Variants in EPHA4 observed in about 807,000 individuals in gnomAD.
The protein encoded by EPHA4 is EPH receptor A4.
EPHA4 carries 19 observed loss-of-function variants against 108.3 expected under a neutral mutation model. That is an observed-to-expected ratio of 0.18 (90% CI 0.12 to 0.26). EPHA4 has a LOEUF of 0.26. Among genes scored for constraint, EPHA4 ranks in the 10% least tolerant of loss-of-function variants. EPHA4 has a pLI of 1.00. For missense variants in EPHA4, 917 were observed against 1,254.0 expected (o/e 0.73, Z 4.06); for synonymous variants, 449 against 455.5 (o/e 0.99, Z 0.18).
At chr2:221,535,382 G>T (rs1693638291) in intron 3 of EPHA4, among the ~76,000 whole-genome samples, 2 of 152,146 alleles carry the variant, frequency 1.3e-5, no homozygotes, top group Non-Finnish European at 2.9e-5. Context: ...AGACAGAAAA[G>T]CTCAGAAAGC....
intron 3 of EPHA4, among the ~76,000 whole-genome samples, chr2:221,506,507 A>C (rs1420890726): frequency 6.6e-6 from 1 of 152,218 alleles, no homozygotes; most frequent in Non-Finnish European, 1.5e-5. Flanking sequence ...TTTCTAACAC[A>C]GACAATATGG....
chr2:221,420,853 C>T (rs1559231893), intron 17 of EPHA4, among the ~76,000 whole-genome samples: 1 of 152,102 alleles, frequency 6.6e-6, no homozygotes, highest in South Asian at 2.1e-4. Context: ...CAATGCCATA[C>T]CCTCTGGAGT....
chr2:221,419,270 G>A lies in EPHA4; in HGVS notation c.*2102C>T, dbSNP rs1230092721. 2 of 152,600 alleles carry A rather than the reference G, an allele frequency of 1.3e-5. No homozygotes were observed. Among genetic ancestry groups the A allele is most frequent in the African/African-American group, 2.4e-5 (1 of 41,448 alleles). 9.5% of individuals were successfully genotyped at this position (152,600 alleles called of 1,614,324 possible). ...GCTCTTGTGAGGGCAACAGGAGTTA[G>A]CTGCATATTAATTACTGTAGAACTT... On this transcript the variant is annotated 3_prime_UTR_variant, in exon 18 of 18. Coordinates refer to ENST00000281821, the MANE Select transcript of EPHA4 (RefSeq NM_004438.5).
chr2:221,434,929 C>T (rs1690185584), intron 13 of EPHA4, among the ~76,000 whole-genome samples: 1 of 152,000 alleles, frequency 6.6e-6, no homozygotes, highest in Non-Finnish European at 1.5e-5. Flanking sequence ...AATGGTAAAG[C>T]AAGTGAATAT....
chr2:221,494,300 T>C (rs1428626122), intron 4 of EPHA4, among the ~76,000 whole-genome samples: 1 of 152,054 alleles, frequency 6.6e-6, no homozygotes, highest in Non-Finnish European at 1.5e-5. Context: ...CAATAAGGGG[T>C]TGGAAAAGAA....
chr2:221,445,589 GAA>G lies in EPHA4; in HGVS notation c.1774+532_1774+533del, dbSNP rs35067500. ...TGGCCGACAGAGCAAGACTCCGTCA[GAA>G]AAAAAAAAAAAAAAAAAAGTCTTCT... On this transcript the variant is annotated intron_variant, in intron 9 of 17. Transcript: ENST00000281821. 7.3e-3 allele frequency among the ~76,000 whole-genome samples: 649 copies of G among 88,346 alleles called. 3 individuals are homozygous for G. Among genetic ancestry groups the G allele is most frequent in the African/African-American group, 0.027 (575 of 20,918 alleles). 58.0% of individuals were successfully genotyped at this position (88,346 alleles called of 152,430 possible).
intron 5 of EPHA4, 74 bp from the exon 6 acceptor site, chr2:221,458,064 A>G: frequency 6.5e-7 from 1 of 1,540,436 alleles, no homozygotes; most frequent in Non-Finnish European, 8.8e-7. Context: ...GCCAGAAATA[A>G]TTTCATCTTA....
chr2:221,551,879 A>C (rs1308717057), intron 3 of EPHA4, among the ~76,000 whole-genome samples: 1 of 151,894 alleles, frequency 6.6e-6, no homozygotes, highest in East Asian at 1.9e-4. Flanking sequence ...ACCTTGGTTT[A>C]GTGTATCAGT....
At chr2:221,499,744 ATATATATATATATTTT>A (rs1473259754) in intron 4 of EPHA4, among the ~76,000 whole-genome samples, 21 of 56,368 alleles carry the variant, frequency 3.7e-4, no homozygotes, top group African/African-American at 2.0e-3. Context: ...ATATATATAT[ATATATATATATATTTT>A]TTTTTTTTTT....
Position 221,425,862 on chromosome 2 carries a change from C to T in EPHA4, c.*166G>A. On this transcript the variant is annotated 3_prime_UTR_variant, in exon 17 of 18. Transcript: ENST00000281821. Reference sequence around the variant, plus strand: ...CCGGCAGTCATTTCTGTAAGCCCCACAGTTTCAGCAATCTGTGCACCAAGC... The same window carrying T: ...CCGGCAGTCATTTCTGTAAGCCCCATAGTTTCAGCAATCTGTGCACCAAGC... 1 of 629,610 alleles carries T rather than the reference C, an allele frequency of 1.6e-6. No homozygotes were observed. Among genetic ancestry groups the T allele is most frequent in the Non-Finnish European group, 2.8e-6 (1 of 359,908 alleles). The allele number at this position is 629,610 out of a possible 1,614,324, so 39.0% of individuals were successfully genotyped here.
At chr2:221,544,058 C>G (rs1056751559) in intron 3 of EPHA4, among the ~76,000 whole-genome samples, 18 of 152,054 alleles carry the variant, frequency 1.2e-4, no homozygotes, top group African/African-American at 4.3e-4. Context: ...TCTCTGGGGT[C>G]CCTTTTATAA....
chr2:221,572,337 C>A, upstream of EPHA4: 1 of 1,226,968 alleles, frequency 8.2e-7, no homozygotes, highest in Non-Finnish European at 1.2e-6. Flanking sequence ...AAGACATTGC[C>A]AAGGGGGCGG....
intron 12 of EPHA4, 31 bp from the exon 13 acceptor site, chr2:221,436,639 A>C: frequency 1.6e-5 from 26 of 1,591,558 alleles, no homozygotes; most frequent in African/African-American, 2.7e-5. Context: ...GAACAATCTC[A>C]TTAGCATTAG....
intron 3 of EPHA4, among the ~76,000 whole-genome samples, chr2:221,522,420 C>G (rs1348484854): frequency 6.6e-6 from 1 of 152,160 alleles, no homozygotes; most frequent in African/African-American, 2.4e-5. Context: ...CATAAAGGCA[C>G]AATTAATCAA....
At chr2:221,439,522 C>T (rs1205800253) in intron 11 of EPHA4, among the ~76,000 whole-genome samples, 7 of 150,972 alleles carry the variant, frequency 4.6e-5, no homozygotes, top group Non-Finnish European at 1.0e-4. Context: ...GGGTCTGGCT[C>T]TGTGGCCCAA....
intron 8 of EPHA4, 64 bp downstream of exon 8, chr2:221,455,483 G>A: frequency 7.7e-7 from 1 of 1,305,142 alleles, no homozygotes; most frequent in Non-Finnish European, 1.1e-6. Flanking sequence ...GTGTGGAAGA[G>A]AAAAAAACCA....
chr2:221,502,514 G>A (rs780161756), intron 3 of EPHA4: 9 of 470,998 alleles, frequency 1.9e-5, no homozygotes, highest in Admixed American at 4.7e-5. Context: ...ATGCAGCAAC[G>A]CAGCAGATCT....
At position 221,564,150 on chromosome 2, in the gene EPHA4, C is replaced by T. The variant is rs1013909979; in HGVS notation, c.404G>A (p.Arg135His). ...YYYESDNDKERFIRENQFVKI... is the reference protein window; with the variant it reads ...YYYESDNDKEHFIRENQFVKI... ...GACAAACTGGTTCTCTCTGATGAAA[C>T]GCTCTTTGTCGTTGTCTGATTCATA... The change falls in exon 3 of 18, where the codon CGT becomes CAT. Residue 135 changes from arginine (R) to histidine (H), a missense_variant. Transcript: ENST00000281821. 9.3e-6 allele frequency: 15 copies of T among 1,614,020 alleles called. No homozygotes were observed. The highest frequency in any genetic ancestry group is 3.3e-5 in the Admixed American group (2 of 59,990).
chr2:221,426,680 G>C, intron 15 of EPHA4, 61 bp from the exon 16 acceptor site: 2 of 1,473,198 alleles, frequency 1.4e-6, no homozygotes, highest in Non-Finnish European at 1.8e-6. Flanking sequence ...AGAAGACTCA[G>C]AAATCTGATT....
Sources: allele counts gnomAD v4.1 joint callset (sites outside exome capture counted in the v4.1 genomes callset), GRCh38; gene constraint gnomAD v4.1.1; transcripts MANE v1.5; gene names NCBI Gene and HGNC (gene_info 2026-07-23, HGNC 2026-07-21).